The following MYLK variants were observed in gnomAD, a reference collection of about 807,000 sequenced individuals.
MYLK encodes the protein myosin light chain kinase, smooth muscle.
Under a neutral mutation model 203.4 loss-of-function variants are expected in MYLK, and 106 were observed. The ratio of observed to expected loss-of-function variants is 0.52; its 90% CI spans 0.45 to 0.61. The LOEUF is 0.61. Ranked by LOEUF, MYLK falls within the 20% of genes least tolerant of loss-of-function variation. The pLI is 0.00. For synonymous variants in MYLK, 867 were observed against 959.5 expected, an observed-to-expected ratio of 0.90 and a Z score of 1.78; for missense variants, 2,072 against 2,442.3, an observed-to-expected ratio of 0.85 and a Z score of 3.20.
intron 4 of MYLK, among the ~76,000 whole-genome samples, chr3:123,765,596 A>G (rs1209690985): frequency 2.0e-5 from 3 of 152,166 alleles, no homozygotes; most frequent in Non-Finnish European, 2.9e-5. Context: ...CATTCATGAC[A>G]GCATTATTCA....
chr3:123,748,974 C>G (rs2063106917), intron 5 of MYLK, among the ~76,000 whole-genome samples: 1 of 151,872 alleles, frequency 6.6e-6, no homozygotes, highest in Admixed American at 6.6e-5. Flanking sequence ...GAGGCTGAGG[C>G]AGAAGAATTG....
chr3:123,637,850 A>G (rs1234171338), intron 29 of MYLK, among the ~76,000 whole-genome samples: 1 of 152,172 alleles, frequency 6.6e-6, no homozygotes, highest in Admixed American at 6.5e-5. Context: ...ATGTGTAGCT[A>G]CATGATGCTA....
At chr3:123,767,323 G>A (rs1267470373) in intron 4 of MYLK, among the ~76,000 whole-genome samples, 4 of 152,188 alleles carry the variant, frequency 2.6e-5, no homozygotes, top group African/African-American at 9.7e-5. Context: ...ACAAATGCAT[G>A]AGGCTGGGTG....
chr3:123,640,399 G>A lies in MYLK; in HGVS notation c.4725C>T (p.Tyr1575=), dbSNP rs374665486. ...GGTGCACGATGCCCTGCTTGTGGAT[G>A]TACTCCACTCCCTCCGAGATCTGCC... ...YMRQISEGVE[Y]IHKQGIVHLD... The change falls in exon 28 of 34, where the codon TAC becomes TAT. Residue 1575 remains tyrosine (Y), a synonymous_variant. Transcript: ENST00000360304. The surrounding 1 kb of genome is among the most constrained non-coding windows in gnomAD (Gnocchi z 4.3). 114 of 1,613,754 alleles carry A rather than the reference G, an allele frequency of 7.1e-5. No individual in the cohort carries two copies. Among genetic ancestry groups the A allele is most frequent in the Non-Finnish European group, 5.9e-6 (7 of 1,179,972 alleles).
chr3:123,829,460 G>C (rs2066249149), intron 3 of MYLK, among the ~76,000 whole-genome samples: 2 of 152,086 alleles, frequency 1.3e-5, no homozygotes, highest in South Asian at 4.2e-4. Context: ...AAGAAGGGTG[G>C]GATAGGGACA....
At position 123,700,935 on chromosome 3, in the gene MYLK, G is replaced by A. The variant is rs3732485; in HGVS notation, c.2533C>T (p.Arg845Cys). ...GVGADGGGSD[R>C]YGSLRPGWPA... ...CAGCCAGGCCTCAGGGACCCATAGC[G>A]GTCACTACCACCACCATCAGCACCA... The change falls in exon 18 of 34, where the codon CGC becomes TGC. Residue 845 changes from arginine (R) to cysteine (C), a missense_variant. Transcript: ENST00000360304. 19,602 of 1,611,056 alleles carry A rather than the reference G, an allele frequency of 0.012. 648 individuals carry two copies. Among genetic ancestry groups the A allele is most frequent in the South Asian group, 0.087 (7,924 of 91,076 alleles).
intron 27 of MYLK, among the ~76,000 whole-genome samples, chr3:123,641,750 G>C (rs72968592): frequency 0.31 from 43,787 of 141,172 alleles, 12,525 homozygotes; most frequent in African/African-American, 0.75. Context: ...TCCTCCCTCC[G>C]TCCCTCTCTT....
chr3:123,803,122 G>A (rs931045332), intron 3 of MYLK, among the ~76,000 whole-genome samples: 1 of 152,146 alleles, frequency 6.6e-6, no homozygotes, highest in Non-Finnish European at 1.5e-5. Flanking sequence ...CTAGGAGGGT[G>A]GCTTGAGGCA....
intron 2 of MYLK, among the ~76,000 whole-genome samples, chr3:123,861,335 G>A (rs1388212172): frequency 3.9e-5 from 6 of 152,234 alleles, no homozygotes; most frequent in Admixed American, 1.3e-4. Context: ...CCAGCAATGC[G>A]CCTGTAGAAG....
rs140381571 is a variant in MYLK, at chr3:123,707,955, A to C, written c.2189T>G (p.Val730Gly). 1 of 1,614,170 alleles carries C rather than the reference A, an allele frequency of 6.2e-7. No individual in the cohort carries two copies. Among genetic ancestry groups the C allele is most frequent in the Non-Finnish European group, 8.5e-7 (1 of 1,180,042 alleles). Residue 730 changes from valine (V) to glycine (G), a missense_variant, in exon 16 of 34, where the codon GTG (valine) becomes GGG (glycine). Physicochemically the swap from Val to Gly is moderately radical, Grantham distance 109. This residue lies in a region of MYLK where 865 missense variants were observed against 1,016.0 expected (regional missense o/e 0.85). Coordinates refer to ENST00000360304, the MANE Select transcript of MYLK (RefSeq NM_053025.4). ...GACACTCTGGCCCAGGGAGGCTGTC[A>C]CTGAGCGAGGCTTACTGATGAACCA... ...QPWFISKPRS[V>G]TASLGQSVLI...
At chr3:123,879,721 G>A (rs1184380054) in intron 1 of MYLK, among the ~76,000 whole-genome samples, 5 of 152,218 alleles carry the variant, frequency 3.3e-5, no homozygotes, top group South Asian at 2.1e-4. Flanking sequence ...TGCAAGCTCC[G>A]CCTCCTGGGT....
chr3:123,751,767 G>A (rs1352363828), intron 5 of MYLK, among the ~76,000 whole-genome samples: 1 of 152,160 alleles, frequency 6.6e-6, no homozygotes, highest in Non-Finnish European at 1.5e-5. Context: ...CGAGTGGGGT[G>A]AGAAGATGGA....
chr3:123,799,006 C>A (rs982992845), intron 3 of MYLK, among the ~76,000 whole-genome samples: 2 of 152,180 alleles, frequency 1.3e-5, no homozygotes, highest in Non-Finnish European at 2.9e-5. Context: ...ACAATAATTT[C>A]TCTAATGCAG....
chr3:123,716,573 C>A (rs1428806528), intron 13 of MYLK, among the ~76,000 whole-genome samples: 3 of 152,206 alleles, frequency 2.0e-5, no homozygotes, highest in Non-Finnish European at 4.4e-5. Context: ...GAAACCACAG[C>A]CTTTCCACTG....
chr3:123,616,280 A>G (rs1162498944), intron 33 of MYLK: 1 of 152,166 alleles, frequency 6.6e-6, no homozygotes, highest in East Asian at 1.9e-4. Context: ...GACCTCACCA[A>G]TGAGCCTTTA....
At position 123,705,598 on chromosome 3, in the gene MYLK, G is replaced by A. The variant is rs550246673; in HGVS notation, c.2390+2156C>T. ...ACGATGAGGCTGGATAACTTCTGAA[G>A]CCCCTTCCTGCTGGGACAGTCTAAA... On this transcript the variant is annotated intron_variant, in intron 16 of 33. Transcript: ENST00000360304. 2.0e-5 allele frequency among the ~76,000 whole-genome samples: 3 copies of A among 152,224 alleles called. No individual in the cohort carries two copies. The South Asian group carries it at 6.2e-4, about 32-fold the overall frequency.
intron 4 of MYLK, among the ~76,000 whole-genome samples, chr3:123,763,047 T>C (rs1317874741): frequency 6.6e-6 from 1 of 152,196 alleles, no homozygotes; most frequent in Non-Finnish European, 1.5e-5. Flanking sequence ...AAAATGACAT[T>C]ACACATCGAC....
chr3:123,839,444 G>C (rs2066543275), intron 2 of MYLK, among the ~76,000 whole-genome samples: 1 of 152,076 alleles, frequency 6.6e-6, no homozygotes, highest in African/African-American at 2.4e-5. Flanking sequence ...TCAGGAAAAG[G>C]AATATTACCA....
At chr3:123,736,316 A>G (rs2062671644) in intron 8 of MYLK, among the ~76,000 whole-genome samples, 1 of 152,234 alleles carries the variant, frequency 6.6e-6, no homozygotes, top group Admixed American at 6.5e-5. Flanking sequence ...CCCAGGCCAA[A>G]AAAAGTAACA....
Sources: gnomAD v4.1 joint callset for allele counts (sites outside exome capture counted in the v4.1 genomes callset) on GRCh38, gnomAD v4.1.1 for gene constraint, gnomAD v4.1.1 regional missense constraint, Gnocchi (gnomAD v3.1) non-coding constraint, MANE v1.5 for transcripts, NCBI Gene and HGNC (gene_info 2026-07-23, HGNC 2026-07-21) for gene names.